PTPRQ: variants seen among roughly 807,000 people sequenced by gnomAD.
PTPRQ encodes phosphatidylinositol phosphatase PTPRQ.
In PTPRQ, 199 loss-of-function variants were observed where a neutral mutation model predicts 246.0. The observed-to-expected ratio is 0.81, with a 90% CI of 0.72 to 0.91. PTPRQ has a LOEUF of 0.91. PTPRQ is among the 40% of genes least tolerant of loss of function. The pLI is 0.00. For missense variants in PTPRQ, 2,624 were observed against 2,528.4 expected (o/e 1.04, Z -0.81); for synonymous variants, 869 against 853.2 (o/e 1.02, Z -0.32).
chr12:80,608,399 T>A (rs1298908000), intron 27 of PTPRQ, among the ~76,000 whole-genome samples: 1 of 150,532 alleles, frequency 6.6e-6, no homozygotes, highest in Non-Finnish European at 1.5e-5. Context: ...AAGGTAATGA[T>A]GATCTTTTGT....
chr12:80,484,179 T>A (rs902177624), intron 8 of PTPRQ, among the ~76,000 whole-genome samples: 2 of 151,926 alleles, frequency 1.3e-5, no homozygotes, highest in Non-Finnish European at 2.9e-5. Flanking sequence ...CTTATTTTTG[T>A]ATTTTTTAGT....
chr12:80,669,480 G>C lies in PTPRQ; in HGVS notation c.6453+16G>C, dbSNP rs1236869551. The C allele has an allele frequency of 1.3e-6, 2 of 1,534,938 alleles. No homozygotes were observed. Among genetic ancestry groups the C allele is most frequent in the Non-Finnish European group, 1.8e-6 (2 of 1,141,732 alleles). On this transcript the variant is annotated intron_variant, in intron 41 of 44. Coordinates refer to ENST00000644991, the MANE Select transcript of PTPRQ (RefSeq NM_001145026.2). The stretch of plus-strand genomic sequence containing the variant: ...AATTGAAAGGGTAAAAAAAAAAGGG[G>C]GGGACGAGAGAACATGATATAAAAT...
At chr12:80,666,309 C>T (rs1027683135) in intron 39 of PTPRQ, among the ~76,000 whole-genome samples, 1 of 151,818 alleles carries the variant, frequency 6.6e-6, no homozygotes, top group Non-Finnish European at 1.5e-5. Context: ...TTGAAATAAT[C>T]CAGGAACAGA....
chr12:80,553,536 G>C (rs1039094476), intron 25 of PTPRQ, among the ~76,000 whole-genome samples: 1 of 152,100 alleles, frequency 6.6e-6, no homozygotes, highest in Non-Finnish European at 1.5e-5. Flanking sequence ...TTGACATAAA[G>C]TGAAATCAAA....
intron 8 of PTPRQ, among the ~76,000 whole-genome samples, chr12:80,472,966 CTTTG>C (rs1272006332): frequency 1.3e-5 from 2 of 151,742 alleles, no homozygotes; most frequent in Admixed American, 6.6e-5. Context: ...AGTTTCCAGA[CTTTG>C]TTTGTGTGGA....
intron 30 of PTPRQ, 50 bp downstream of exon 30, chr12:80,616,316 A>G: frequency 7.7e-6 from 11 of 1,424,990 alleles, no homozygotes; most frequent in Non-Finnish European, 1.0e-5. Context: ...CAGTGATTAT[A>G]ATTTAAATTC....
intron 17 of PTPRQ, among the ~76,000 whole-genome samples, chr12:80,528,500 T>A (rs1223736830): frequency 6.6e-6 from 1 of 152,112 alleles, no homozygotes; most frequent in Non-Finnish European, 1.5e-5. Context: ...ATCTCACTAA[T>A]CTTTGAGCAC....
intron 26 of PTPRQ, among the ~76,000 whole-genome samples, chr12:80,603,118 T>C (rs1013128333): frequency 6.6e-6 from 1 of 151,746 alleles, no homozygotes; most frequent in Non-Finnish European, 1.5e-5. Flanking sequence ...TTTACTACTT[T>C]CTCTATCTCA....
At position 80,467,310 on chromosome 12, in the gene PTPRQ, C is replaced by A. The variant is rs911705363; in HGVS notation, c.911-1400C>A. Among the ~76,000 whole-genome samples the A allele has an allele frequency of 2.0e-5, 3 of 152,046 alleles. No individual in the cohort carries two copies. The East Asian group carries it at 5.8e-4, about 29-fold the overall frequency. On this transcript the variant is annotated intron_variant, in intron 6 of 44. Coordinates refer to ENST00000644991, the MANE Select transcript of PTPRQ (RefSeq NM_001145026.2). Reference sequence around the variant, plus strand: ...TGCAAATCAAAACCACAATGAGATACCATCTCACACCAGTTAGAATGGCAA... The same window carrying A: ...TGCAAATCAAAACCACAATGAGATAACATCTCACACCAGTTAGAATGGCAA...
Position 80,468,609 on chromosome 12 carries a change from T to G in PTPRQ, c.911-101T>G, listed in dbSNP as rs762686659. Reference sequence around the variant, plus strand: ...AAACTCTGCTTTTAAGCGCGATATTTTATTTTCCTTCTTTGCCTTTGTGTT... The same window carrying G: ...AAACTCTGCTTTTAAGCGCGATATTGTATTTTCCTTCTTTGCCTTTGTGTT... On this transcript the variant is annotated intron_variant, in intron 6 of 44. Coordinates refer to ENST00000644991, the MANE Select transcript of PTPRQ (RefSeq NM_001145026.2). The G allele has an allele frequency of 2.4e-4, 291 of 1,215,006 alleles. 1 individual carries two copies. The highest frequency in any genetic ancestry group is 1.5e-4 in the Non-Finnish European group (137 of 930,678). 75.3% of individuals were successfully genotyped at this position (1,215,006 alleles called of 1,614,324 possible). A position where few individuals can be genotyped will look rare whatever the true frequency, so the allele number is the denominator to read the frequency against.
intron 25 of PTPRQ, among the ~76,000 whole-genome samples, chr12:80,554,083 G>A (rs935461925): frequency 1.3e-5 from 2 of 151,744 alleles, no homozygotes; most frequent in Admixed American, 6.6e-5. Context: ...GGGGCAGGGG[G>A]GGTAGGAAAA....
chr12:80,449,444 C>A (rs957556028), intron 3 of PTPRQ, among the ~76,000 whole-genome samples: 5 of 152,134 alleles, frequency 3.3e-5, no homozygotes, highest in East Asian at 1.9e-4. Flanking sequence ...ATGTGAAGTC[C>A]TTGCCCATGC....
intron 17 of PTPRQ, among the ~76,000 whole-genome samples, chr12:80,514,605 TTGTA>T (rs1895231344): frequency 1.2e-5 from 1 of 83,138 alleles, no homozygotes; most frequent in Non-Finnish European, 2.4e-5. Flanking sequence ...TATAATATAT[TTGTA>T]TATATATTAT....
At chr12:80,550,793 TG>T (rs1896451372) in intron 25 of PTPRQ, among the ~76,000 whole-genome samples, 1 of 152,168 alleles carries the variant, frequency 6.6e-6, no homozygotes, top group African/African-American at 2.4e-5. Flanking sequence ...ATGTATCCCT[TG>T]TTTATTCTTC....
chr12:80,560,821 A>G (rs535743817), intron 25 of PTPRQ, among the ~76,000 whole-genome samples: 7 of 152,240 alleles, frequency 4.6e-5, no homozygotes, highest in Non-Finnish European at 7.3e-5. Context: ...GCATAAGATA[A>G]AAGAAAAATA....
chr12:80,468,902 T>C (rs1893534704), intron 7 of PTPRQ, 64 bp downstream of exon 7: 1 of 1,510,754 alleles, frequency 6.6e-7, no homozygotes. Context: ...GTTACCAATA[T>C]CAAACTCTGT....
At chr12:80,456,174 T>C (rs117029569) in intron 3 of PTPRQ, among the ~76,000 whole-genome samples, 1,698 of 152,310 alleles carry the variant, frequency 0.011, 19 homozygotes, top group Middle Eastern at 0.02. Flanking sequence ...ATAAATGAGA[T>C]GTTCTTCCTA....
At chr12:80,538,445 CA>C (rs1896053238) in intron 19 of PTPRQ, among the ~76,000 whole-genome samples, 1 of 152,080 alleles carries the variant, frequency 6.6e-6, no homozygotes, top group Non-Finnish European at 1.5e-5. Context: ...AAATTTACAT[CA>C]AAAAGCTATG....
In PTPRQ at chr12:80,633,911, C is replaced by T. The variant is rs1241769824; in HGVS notation, c.5787-1034C>T. Among the ~76,000 whole-genome samples, 4 of 152,188 alleles carry T rather than the reference C, an allele frequency of 2.6e-5. 1 individual carries two copies. The highest frequency in any genetic ancestry group is 7.2e-5 in the African/African-American group (3 of 41,440). On this transcript the variant is annotated intron_variant, in intron 34 of 44. Coordinates refer to ENST00000644991, the MANE Select transcript of PTPRQ (RefSeq NM_001145026.2). ...AGGAAATGGTCCTCCTTATTCCCCA[C>T]AACTTGCCTACTCACTAGCTAAAGA...
Sources: gnomAD v4.1 joint callset for allele counts (sites outside exome capture counted in the v4.1 genomes callset) on GRCh38, gnomAD v4.1.1 for gene constraint, MANE v1.5 for transcripts, NCBI Gene and HGNC (gene_info 2026-07-23, HGNC 2026-07-21) for gene names.